MRPS27: variants seen among roughly 807,000 people sequenced by gnomAD.
The protein encoded by MRPS27 is small ribosomal subunit protein mS27.
A neutral mutation model predicts 48.9 loss-of-function variants in MRPS27; 43 were observed. That is an observed-to-expected ratio of 0.88 (90% CI 0.69 to 1.13). The LOEUF (loss-of-function observed/expected upper bound fraction) is 1.13, where lower values mean the gene tolerates loss of function less well. Among genes scored for constraint, MRPS27 ranks in the 50% most tolerant of loss-of-function variants. The pLI is 0.00. For synonymous variants in MRPS27, 188 were observed against 171.9 expected, an observed-to-expected ratio of 1.09 and a Z score of -0.73; for missense variants, 467 against 476.3, an observed-to-expected ratio of 0.98 and a Z score of 0.18.
intron 7 of MRPS27, among the ~76,000 whole-genome samples, chr5:72,230,488 C>T (rs12188341): frequency 0.23 from 35,308 of 152,078 alleles, 5,239 homozygotes; most frequent in Non-Finnish European, 0.33. Flanking sequence ...ATTTAATTGA[C>T]TTTTTTTATT....
chr5:72,313,347 A>G (rs1339905383), intron 2 of MRPS27, among the ~76,000 whole-genome samples: 1 of 152,254 alleles, frequency 6.6e-6, no homozygotes, highest in Non-Finnish European at 1.5e-5. Flanking sequence ...ATATTAGATC[A>G]GCATAGGAAT....
intron 4 of MRPS27, among the ~76,000 whole-genome samples, chr5:72,255,271 G>C (rs911944162): frequency 3.3e-5 from 5 of 151,804 alleles, no homozygotes; most frequent in Non-Finnish European, 5.9e-5. Flanking sequence ...GGTTGGTCTC[G>C]AACTCCTGAC....
chr5:72,271,427 C>T (rs895865206), intron 4 of MRPS27, among the ~76,000 whole-genome samples: 3 of 152,128 alleles, frequency 2.0e-5, no homozygotes, highest in African/African-American at 7.2e-5. Context: ...CAAATGCCTA[C>T]ACTGAAATTT....
chr5:72,265,847 G>C (rs1749095872), intron 4 of MRPS27, among the ~76,000 whole-genome samples: 5 of 152,140 alleles, frequency 3.3e-5, no homozygotes, highest in Admixed American at 1.3e-4. Flanking sequence ...ACGAAAACAA[G>C]GAAAATGACT....
intron 2 of MRPS27, among the ~76,000 whole-genome samples, chr5:72,305,847 T>C (rs573733299): frequency 6.6e-6 from 1 of 152,338 alleles, no homozygotes; most frequent in South Asian, 2.1e-4. Context: ...CTAGTAAATG[T>C]TGATAACTTT....
At chr5:72,271,456 A>T (rs1190467602) in intron 4 of MRPS27, among the ~76,000 whole-genome samples, 1 of 152,240 alleles carries the variant, frequency 6.6e-6, no homozygotes, top group Non-Finnish European at 1.5e-5. Flanking sequence ...TTGCCGAGAA[A>T]AAAACAAAGG....
At position 72,232,336 on chromosome 5, in the gene MRPS27, G is replaced by A. The variant is rs3213893; in HGVS notation, c.591+107C>T. ...TGTATACAATAAACACACATTCCTGGTTGTGCCTGGCCACAGAGCTGCAGA... is the reference window on the plus strand; with the variant it reads ...TGTATACAATAAACACACATTCCTGATTGTGCCTGGCCACAGAGCTGCAGA... On this transcript the variant is annotated intron_variant, in intron 7 of 10. Transcript: ENST00000261413. The A allele has an allele frequency of 1.1e-3, 762 of 676,394 alleles. 7 individuals carry two copies. In the East Asian group the frequency reaches 0.021, roughly 19 times the overall value. 41.9% of individuals were successfully genotyped at this position (676,394 alleles called of 1,614,324 possible). A position where few individuals can be genotyped will look rare whatever the true frequency, so the allele number is the denominator to read the frequency against.
chr5:72,314,331 T>C, intron 1 of MRPS27, 173 bp from the exon 2 acceptor site: 2 of 459,242 alleles, frequency 4.4e-6, no homozygotes, highest in Non-Finnish European at 3.9e-6. Flanking sequence ...AAGAACAAAA[T>C]GCATTCAACC....
At chr5:72,223,473 C>T (rs1032310887) in intron 10 of MRPS27, among the ~76,000 whole-genome samples, 2 of 152,080 alleles carry the variant, frequency 1.3e-5, no homozygotes, top group African/African-American at 4.8e-5. Context: ...AAACTGTGAC[C>T]AATTAGCTCA....
At chr5:72,257,543 CATGA>C (rs1174133124) in intron 4 of MRPS27, among the ~76,000 whole-genome samples, 1 of 152,172 alleles carries the variant, frequency 6.6e-6, no homozygotes, top group Non-Finnish European at 1.5e-5. Context: ...GCATGGGTTT[CATGA>C]AAATTGTTTC....
intron 4 of MRPS27, among the ~76,000 whole-genome samples, chr5:72,276,964 G>T (rs1749393941): frequency 6.6e-6 from 1 of 152,074 alleles, no homozygotes. Flanking sequence ...CCAGGAGGCG[G>T]AGGTTGCAAT....
intron 4 of MRPS27, among the ~76,000 whole-genome samples, chr5:72,288,581 C>T (rs778423157): frequency 6.6e-6 from 1 of 152,202 alleles, no homozygotes; most frequent in Non-Finnish European, 1.5e-5. Flanking sequence ...CTATGACCAA[C>T]GATCTGCTAT....
At chr5:72,314,059 T>C in intron 2 of MRPS27, 22 bp downstream of exon 2, 1 of 1,583,310 alleles carries the variant, frequency 6.3e-7, no homozygotes, top group East Asian at 2.2e-5. Flanking sequence ...ATGACACATA[T>C]AATAGTCCAA....
chr5:72,237,439 C>T (rs562699596), intron 5 of MRPS27, among the ~76,000 whole-genome samples: 6 of 152,240 alleles, frequency 3.9e-5, no homozygotes, highest in African/African-American at 9.6e-5. Context: ...ACATTATAGA[C>T]GTAATACCTT....
intron 4 of MRPS27, among the ~76,000 whole-genome samples, chr5:72,270,918 C>T (rs1749224796): frequency 6.6e-6 from 1 of 152,100 alleles, no homozygotes; most frequent in Non-Finnish European, 1.5e-5. Context: ...GTAGAAAAAA[C>T]ATTTAACAAA....
At chr5:72,246,859 T>C (rs919472365) in intron 4 of MRPS27, among the ~76,000 whole-genome samples, 3 of 142,034 alleles carry the variant, frequency 2.1e-5, no homozygotes, top group South Asian at 2.1e-4. Flanking sequence ...TATTCCACCA[T>C]TGCCTCTCAA....
intron 1 of MRPS27, 170 bp downstream of exon 1, chr5:72,319,979 G>A (rs1244335660): frequency 1.5e-6 from 1 of 660,794 alleles, no homozygotes; most frequent in Non-Finnish European, 2.7e-6. Context: ...GTTATTTTAG[G>A]GAAGGAAATG....
intron 9 of MRPS27, among the ~76,000 whole-genome samples, chr5:72,225,183 A>G (rs1747858347): frequency 1.3e-5 from 2 of 152,238 alleles, no homozygotes; most frequent in South Asian, 4.1e-4. Flanking sequence ...ATCCTTTGTT[A>G]TAAACGTCTG....
intron 2 of MRPS27, among the ~76,000 whole-genome samples, chr5:72,307,602 T>G (rs1206332311): frequency 6.6e-6 from 1 of 151,982 alleles, no homozygotes; most frequent in East Asian, 1.9e-4. Flanking sequence ...AGCTGATAAT[T>G]GTTGAAGCCA....
Sources: gnomAD v4.1 joint callset for allele counts (sites outside exome capture counted in the v4.1 genomes callset) on GRCh38, gnomAD v4.1.1 for gene constraint, MANE v1.5 for transcripts, NCBI Gene and HGNC (gene_info 2026-07-23, HGNC 2026-07-21) for gene names.